CTNNBL1: variants seen among roughly 807,000 people sequenced by gnomAD.
The protein encoded by CTNNBL1 is catenin beta like 1.
In CTNNBL1, 31 loss-of-function variants were observed where a neutral mutation model predicts 72.7. The ratio of observed to expected loss-of-function variants is 0.43; its 90% CI spans 0.32 to 0.58. The LOEUF is 0.58. Among genes scored for constraint, CTNNBL1 ranks in the 20% least tolerant of loss-of-function variants. The pLI is 0.08. For synonymous variants in CTNNBL1, 240 were observed against 267.3 expected (o/e 0.90, Z 1.00); for missense variants, 534 against 725.1 (o/e 0.74, Z 3.03).
At position 37,822,950 on chromosome 20, in the gene CTNNBL1, A is replaced by G. The variant is rs912437123; in HGVS notation, c.1214-17152A>G. 9.8e-5 allele frequency among the ~76,000 whole-genome samples: 15 copies of G among 152,356 alleles called. 1 individual carries two copies. The highest frequency in any genetic ancestry group is 4.1e-4 in the South Asian group (2 of 4,822). ...AGGCCCTTAGTTCTTTATTTGTACA[A>G]TTCTAAAATGGTTGCACTGGGTGTA... On this transcript the variant is annotated intron_variant, in intron 11 of 15. Transcript: ENST00000361383.
intron 1 of CTNNBL1, among the ~76,000 whole-genome samples, chr20:37,716,253 G>A (rs965871366): frequency 5.9e-5 from 9 of 152,150 alleles, no homozygotes; most frequent in African/African-American, 2.2e-4. Flanking sequence ...TGTTCTTGAC[G>A]TGAGCAAGTA....
In CTNNBL1 at chr20:37,772,434, C is replaced by T. The variant is rs533462389; in HGVS notation, c.750+4390C>T. On this transcript the variant is annotated intron_variant, in intron 7 of 15. Coordinates refer to ENST00000361383, the MANE Select transcript of CTNNBL1 (RefSeq NM_030877.5). ...GGCGATCTTGGCTCACTGCAAGCTC[C>T]GTCTCCTGGGTTCACGCCATTCTCC... 9.9e-5 allele frequency among the ~76,000 whole-genome samples: 15 copies of T among 152,274 alleles called. 1 individual carries two copies. The highest frequency in any genetic ancestry group is 1.5e-4 in the Non-Finnish European group (10 of 68,006).
intron 11 of CTNNBL1, among the ~76,000 whole-genome samples, chr20:37,807,656 T>C (rs1047219450): frequency 2.0e-5 from 3 of 152,180 alleles, no homozygotes; most frequent in African/African-American, 7.2e-5. Flanking sequence ...GGTAATTTAG[T>C]TCCTCTTTTG....
chr20:37,739,307 C>T (rs938645433), intron 3 of CTNNBL1, among the ~76,000 whole-genome samples: 5 of 151,924 alleles, frequency 3.3e-5, no homozygotes, highest in Admixed American at 2.0e-4. Flanking sequence ...ATATTCTGCA[C>T]CTTGATTTTT....
intron 10 of CTNNBL1, among the ~76,000 whole-genome samples, chr20:37,789,467 C>G (rs1328440669): frequency 1.3e-5 from 2 of 152,150 alleles, no homozygotes; most frequent in Non-Finnish European, 2.9e-5. Flanking sequence ...TGCTGTTTAA[C>G]AAAGTGATCA....
intron 15 of CTNNBL1, among the ~76,000 whole-genome samples, chr20:37,869,535 G>A (rs1378590945): frequency 2.0e-5 from 3 of 152,222 alleles, no homozygotes; most frequent in East Asian, 1.9e-4. Context: ...GGAGGAAGGC[G>A]AAAGCCCCTG....
chr20:37,771,757 C>T (rs1379198031), intron 7 of CTNNBL1, among the ~76,000 whole-genome samples: 1 of 152,114 alleles, frequency 6.6e-6, no homozygotes, highest in Non-Finnish European at 1.5e-5. Flanking sequence ...GCCTCTATCA[C>T]TTTTAGAACT....
intron 11 of CTNNBL1, among the ~76,000 whole-genome samples, chr20:37,836,788 A>G (rs538239672): frequency 3.3e-5 from 5 of 152,304 alleles, no homozygotes; most frequent in South Asian, 2.1e-4. Context: ...TCTTCCACCA[A>G]TTAGCTCTGT....
chr20:37,871,492 C>A (rs957357024), intron 15 of CTNNBL1, among the ~76,000 whole-genome samples: 1 of 152,100 alleles, frequency 6.6e-6, no homozygotes, highest in Non-Finnish European at 1.5e-5. Context: ...TCCCTGCAGT[C>A]CTTTTGCAAG....
intron 11 of CTNNBL1, among the ~76,000 whole-genome samples, chr20:37,806,512 G>A (rs916342396): frequency 6.6e-6 from 1 of 152,162 alleles, no homozygotes; most frequent in African/African-American, 2.4e-5. Flanking sequence ...GCCTCACAAG[G>A]TCTGTATTAG....
chr20:37,831,295 G>A (rs143474588), intron 11 of CTNNBL1, among the ~76,000 whole-genome samples: 1 of 152,250 alleles, frequency 6.6e-6, no homozygotes, highest in East Asian at 1.9e-4. Flanking sequence ...CATATGCGCT[G>A]AGTATTTTCC....
rs1166925708 is a variant in CTNNBL1 at position 37,765,302 on chromosome 20, G to A, written c.658+12G>A. 1 of 1,524,846 alleles carries A rather than the reference G, an allele frequency of 6.6e-7. No homozygotes were observed. The highest frequency in any genetic ancestry group is 1.2e-5 in the South Asian group (1 of 83,486). The allele number at this position is 1,524,846 out of a possible 1,614,324, so 94.5% of individuals were successfully genotyped here. ...CCACAACACTCTGGGTGAGAGGAAG[G>A]GTGCTTGCCATTGCCTGAGTTGCTT... On this transcript the variant is annotated intron_variant, in intron 6 of 15. Coordinates refer to ENST00000361383, the MANE Select transcript of CTNNBL1 (RefSeq NM_030877.5).
intron 1 of CTNNBL1, among the ~76,000 whole-genome samples, chr20:37,732,200 G>A (rs1206844034): frequency 6.6e-6 from 1 of 152,112 alleles, no homozygotes. Flanking sequence ...CTGGCCATTT[G>A]TACATCTTCT....
chr20:37,857,416 C>A (rs548156247), intron 13 of CTNNBL1, among the ~76,000 whole-genome samples: 4 of 152,208 alleles, frequency 2.6e-5, no homozygotes, highest in African/African-American at 7.2e-5. Flanking sequence ...CAACACCCCC[C>A]AGGCCAAAGC....
intron 5 of CTNNBL1, among the ~76,000 whole-genome samples, chr20:37,761,827 C>T (rs942649052): frequency 7.2e-5 from 11 of 152,206 alleles, no homozygotes; most frequent in African/African-American, 2.7e-4. Context: ...TGGAAGAAAC[C>T]AGCCATTCAA....
chr20:37,766,080 A>G (rs2073465405), intron 6 of CTNNBL1, among the ~76,000 whole-genome samples: 1 of 152,060 alleles, frequency 6.6e-6, no homozygotes, highest in Non-Finnish European at 1.5e-5. Flanking sequence ...TGTGTACCAC[A>G]GATTTCTATT....
chr20:37,804,590 C>T (rs958208015), intron 11 of CTNNBL1, among the ~76,000 whole-genome samples: 8 of 152,200 alleles, frequency 5.3e-5, no homozygotes, highest in African/African-American at 1.9e-4. Context: ...TTCAGATTCT[C>T]AGGAACAAGC....
intron 1 of CTNNBL1, among the ~76,000 whole-genome samples, chr20:37,703,258 C>T (rs957575779): frequency 1.3e-5 from 2 of 152,170 alleles, no homozygotes; most frequent in South Asian, 2.1e-4. Flanking sequence ...CTAAACTGCA[C>T]ACTTAATTCA....
At chr20:37,823,018 A>G (rs1235275371) in intron 11 of CTNNBL1, among the ~76,000 whole-genome samples, 1 of 152,246 alleles carries the variant, frequency 6.6e-6, no homozygotes, top group Non-Finnish European at 1.5e-5. Context: ...GCAACAAAGT[A>G]CTTAATATAT....
Sources: allele counts gnomAD v4.1 joint callset (sites outside exome capture counted in the v4.1 genomes callset), GRCh38; gene constraint gnomAD v4.1.1; transcripts MANE v1.5; gene names NCBI Gene and HGNC (gene_info 2026-07-23, HGNC 2026-07-21).